RNF38: variants seen among roughly 807,000 people sequenced by gnomAD.
The protein encoded by RNF38 is E3 ubiquitin-protein ligase RNF38.
In RNF38, 15 loss-of-function variants were observed where a neutral mutation model predicts 67.2. The ratio of observed to expected loss-of-function variants is 0.22; its 90% CI spans 0.15 to 0.34. The LOEUF is 0.34. Among genes scored for constraint, RNF38 ranks in the 10% least tolerant of loss-of-function variants. The pLI, the probability that RNF38 is intolerant of heterozygous loss-of-function variation, is 1.00. For synonymous variants in RNF38, 220 were observed against 218.8 expected (o/e 1.01, Z -0.05); for missense variants, 524 against 639.9 (o/e 0.82, Z 1.95).
At chr9:36,461,730 G>A (rs990141947) in intron 1 of RNF38, among the ~76,000 whole-genome samples, 1 of 152,172 alleles carries the variant, frequency 6.6e-6, no homozygotes, top group African/African-American at 2.4e-5. Flanking sequence ...GTGGGGAGTG[G>A]TGTGTAAGAA....
intron 4 of RNF38, among the ~76,000 whole-genome samples, chr9:36,368,615 G>A (rs565737312): frequency 1.3e-5 from 2 of 151,966 alleles, no homozygotes; most frequent in Non-Finnish European, 2.9e-5. Flanking sequence ...ATCAGGTTAC[G>A]GCCACAAATA....
At position 36,397,046 on chromosome 9, in the gene RNF38, T is replaced by C. The variant is rs1042844001; in HGVS notation, c.12+3051A>G. Among the ~76,000 whole-genome samples, 6 of 150,284 alleles carry C rather than the reference T, an allele frequency of 4.0e-5. No homozygotes were observed. In the East Asian group the frequency reaches 5.8e-4, roughly 15 times the overall value. ...GTGTGTATATACGTATATACGTATA[T>C]ACACATGTATATATACGTATATATA... On this transcript the variant is annotated intron_variant, in intron 1 of 11. Coordinates refer to ENST00000259605, the MANE Select transcript of RNF38 (RefSeq NM_022781.5).
At chr9:36,477,449 G>A (rs1404265710) in intron 1 of RNF38, among the ~76,000 whole-genome samples, 1 of 152,070 alleles carries the variant, frequency 6.6e-6, no homozygotes, top group Non-Finnish European at 1.5e-5. Flanking sequence ...GCCAAGGTGG[G>A]AGGATCACTT....
At chr9:36,469,066 C>T (rs1201409975) in intron 1 of RNF38, among the ~76,000 whole-genome samples, 1 of 151,910 alleles carries the variant, frequency 6.6e-6, no homozygotes, top group Non-Finnish European at 1.5e-5. Flanking sequence ...GAGCTGAGAT[C>T]GCACCACTGG....
intron 2 of RNF38, among the ~76,000 whole-genome samples, chr9:36,378,506 G>A (rs548480083): frequency 6.6e-6 from 1 of 152,070 alleles, no homozygotes; most frequent in East Asian, 1.9e-4. Flanking sequence ...CAAAATGCTA[G>A]TAACGAATCA....
At chr9:36,391,077 A>G (rs952761970) in intron 1 of RNF38, among the ~76,000 whole-genome samples, 13 of 152,386 alleles carry the variant, frequency 8.5e-5, no homozygotes, top group Non-Finnish European at 1.3e-4. Flanking sequence ...AGATTTAACA[A>G]TATTTGTGGC....
intron 1 of RNF38, among the ~76,000 whole-genome samples, chr9:36,457,646 G>A (rs971741804): frequency 6.6e-6 from 1 of 152,104 alleles, no homozygotes; most frequent in Admixed American, 6.5e-5. Flanking sequence ...GGTGGCTCAC[G>A]TCTGTAATCC....
At chr9:36,353,375 T>C in intron 6 of RNF38, 44 bp from the exon 7 acceptor site, 2 of 1,292,098 alleles carry the variant, frequency 1.5e-6, no homozygotes, top group African/African-American at 1.5e-5. Context: ...TATATATATA[T>C]ACTTCCTGTG....
At chr9:36,398,444 G>C (rs867070345) in intron 1 of RNF38, among the ~76,000 whole-genome samples, 5 of 152,172 alleles carry the variant, frequency 3.3e-5, no homozygotes, top group Non-Finnish European at 7.3e-5. Context: ...AATGAAAGAT[G>C]TAAGAGTTGG....
intron 1 of RNF38, among the ~76,000 whole-genome samples, chr9:36,480,851 C>T (rs1327540258): frequency 6.6e-6 from 1 of 151,292 alleles, no homozygotes. Context: ...CGCCCGGCCC[C>T]TTCCATGTAT....
chr9:36,378,169 CTTTTTT>C (rs35057784), intron 2 of RNF38, among the ~76,000 whole-genome samples: 57 of 114,868 alleles, frequency 5.0e-4, no homozygotes, highest in Non-Finnish European at 8.8e-4. Context: ...TTAACACTGA[CTTTTTT>C]TTTTTTTTTT....
intron 1 of RNF38, among the ~76,000 whole-genome samples, chr9:36,426,084 T>C (rs2134246638): frequency 6.6e-6 from 1 of 152,324 alleles, no homozygotes; most frequent in Admixed American, 6.5e-5. Context: ...ACCTGCTTAT[T>C]TACTATTACA....
intron 1 of RNF38, among the ~76,000 whole-genome samples, chr9:36,427,244 G>C (rs1232453571): frequency 6.6e-6 from 1 of 152,174 alleles, no homozygotes; most frequent in Non-Finnish European, 1.5e-5. Context: ...ATAAAAGAAA[G>C]AGTTTTTAAA....
Position 36,376,044 on chromosome 9 carries a change from T to C in RNF38, c.246A>G (p.Pro82=). 9.3e-6 allele frequency: 15 copies of C among 1,613,140 alleles called. No individual in the cohort carries two copies. The highest frequency in any genetic ancestry group is 1.3e-5 in the Non-Finnish European group (15 of 1,179,664). The stretch of plus-strand genomic sequence containing the variant: ...ATGTCATCTCCCATGGTCGCATTGG[T>C]GGTGAGGGAGCTGGTGATGCTGATG... The part of the protein sequence containing the change: ...DYTSASPAPS[P]PMRPWEMTSN... The change falls in exon 3 of 12, where the codon CCA becomes CCG. Residue 82 remains proline, a synonymous_variant. Transcript: ENST00000259605.
At chr9:36,427,249 T>C (rs1056661231) in intron 1 of RNF38, among the ~76,000 whole-genome samples, 4 of 152,196 alleles carry the variant, frequency 2.6e-5, no homozygotes, top group African/African-American at 9.7e-5. Flanking sequence ...AGAAAGAGTT[T>C]TTAAAAGATA....
intron 2 of RNF38, among the ~76,000 whole-genome samples, chr9:36,408,412 T>C (rs966654708): frequency 3.9e-5 from 6 of 152,026 alleles, no homozygotes; most frequent in East Asian, 1.9e-4. Flanking sequence ...TGAGGAAAGA[T>C]AGGCTAGCCC....
At chr9:36,380,900 GCT>G (rs1371287040) in intron 2 of RNF38, among the ~76,000 whole-genome samples, 1 of 152,190 alleles carries the variant, frequency 6.6e-6, no homozygotes, top group African/African-American at 2.4e-5. Context: ...TATTTTTGAT[GCT>G]CTCAAGAGGA....
rs1834691838 is a variant in RNF38, at chr9:36,363,088, C to T, written c.571-5146G>A. ...TCATCCATCCATCCATCCATCCATC[C>T]TTATCTACCTATGTATCTATCTATG... is the stretch of plus-strand genomic sequence containing the variant. On this transcript the variant is annotated intron_variant, in intron 4 of 11. Transcript: ENST00000259605. 3.0e-5 allele frequency among the ~76,000 whole-genome samples: 3 copies of T among 99,490 alleles called. 1 individual carries two copies. The highest frequency in any genetic ancestry group is 3.0e-5 in the African/African-American group (1 of 33,214). The allele number at this position is 99,490 out of a possible 152,430, so 65.3% of individuals were successfully genotyped here.
intron 4 of RNF38, among the ~76,000 whole-genome samples, chr9:36,362,484 AAATC>A: frequency 6.6e-6 from 1 of 152,066 alleles, no homozygotes; most frequent in Non-Finnish European, 1.5e-5. Context: ...AAAAAAAAAA[AAATC>A]ATCAGATGAA....
Sources: gnomAD v4.1 joint callset for allele counts (sites outside exome capture counted in the v4.1 genomes callset) on GRCh38, gnomAD v4.1.1 for gene constraint, MANE v1.5 for transcripts, NCBI Gene and HGNC (gene_info 2026-07-23, HGNC 2026-07-21) for gene names.